The following ACSM2B variants were observed in gnomAD, a reference collection of about 807,000 sequenced individuals.
ACSM2B encodes acyl-CoA synthetase medium chain family member 2B.
ACSM2B carries 58 observed loss-of-function variants against 78.6 expected under a neutral mutation model. The ratio of observed to expected loss-of-function variants is 0.74; its 90% confidence interval spans 0.60 to 0.92. The LOEUF (loss-of-function observed/expected upper bound fraction) is 0.92. ACSM2B is among the 40% of genes least tolerant of loss of function. The probability of loss-of-function intolerance (pLI) is 0.00; values close to 1 mark genes in which losing one functional copy is unlikely to be tolerated. For synonymous variants in ACSM2B, 257 were observed against 256.8 expected (o/e 1.00, Z -0.01); for missense variants, 688 against 711.2 (o/e 0.97, Z 0.37).
chr16:20,567,632 A>T (rs1368696895), intron 1 of ACSM2B, among the ~76,000 whole-genome samples: 1 of 136,854 alleles, frequency 7.3e-6, no homozygotes, highest in African/African-American at 2.7e-5. Context: ...TATTATATCT[A>T]TATCTATATA....
intron 9 of ACSM2B, among the ~76,000 whole-genome samples, chr16:20,546,104 A>T (rs867905152): frequency 6.6e-5 from 10 of 152,084 alleles, no homozygotes; most frequent in African/African-American, 2.2e-4. Context: ...TTATGTCAAG[A>T]TTCACCCCAT....
At chr16:20,539,864 A>G (rs372868180) in intron 13 of ACSM2B, among the ~76,000 whole-genome samples, 3 of 152,168 alleles carry the variant, frequency 2.0e-5, no homozygotes, top group African/African-American at 7.2e-5. Context: ...TCAAGCCACT[A>G]CAAAGGAAAG....
intron 1 of ACSM2B, among the ~76,000 whole-genome samples, chr16:20,566,256 T>C (rs2015832681): frequency 1.2e-5 from 1 of 81,050 alleles, no homozygotes; most frequent in Non-Finnish European, 2.7e-5. Context: ...ATTATATATA[T>C]ATATATATAT....
intron 6 of ACSM2B, among the ~76,000 whole-genome samples, chr16:20,549,304 A>T (rs1388258334): frequency 6.6e-6 from 1 of 152,032 alleles, no homozygotes; most frequent in African/African-American, 2.4e-5. Context: ...AAATAAATTT[A>T]TTTCTTGCAG....
At chr16:20,542,479 C>A in intron 12 of ACSM2B, 1 of 178,464 alleles carries the variant, frequency 5.6e-6, no homozygotes, top group Non-Finnish European at 1.2e-5. Flanking sequence ...GTATATATAC[C>A]ACATATTATT....
chr16:20,566,668 A>ATACT (rs1567218198), intron 1 of ACSM2B, among the ~76,000 whole-genome samples: 22 of 40,450 alleles, frequency 5.4e-4, no homozygotes, highest in African/African-American at 2.5e-3. Context: ...ATGTATATAT[A>ATACT]GTATATACAT....
chr16:20,574,909 C>T (rs979716486), intron 1 of ACSM2B, among the ~76,000 whole-genome samples: 26 of 149,532 alleles, frequency 1.7e-4, no homozygotes, highest in African/African-American at 5.9e-4. Flanking sequence ...ACTTTATCCA[C>T]TGAACTTAGG....
Position 20,548,836 on chromosome 16 carries a change from G to A in ACSM2B, c.895-363C>T, listed in dbSNP as rs181320267. ...GATCAGCTGCCTGAGTACAGCAGCT[G>A]TCTTGGTTGAGTCCCTTAACTTTCT... On this transcript the variant is annotated intron_variant, in intron 6 of 13. Coordinates refer to ENST00000329697, the MANE Select transcript of ACSM2B (RefSeq NM_001105069.2). 3.0e-3 allele frequency among the ~76,000 whole-genome samples: 464 copies of A among 152,232 alleles called. 3 individuals carry two copies. The highest frequency in any genetic ancestry group is 0.01 in the South Asian group (50 of 4,820).
chr16:20,566,660 G>GTATATATAC lies in ACSM2B; in HGVS notation c.-8-1808_-8-1807insGTATATATA, dbSNP rs1567218184. 1.0e-3 allele frequency among the ~76,000 whole-genome samples: 7 copies of GTATATATAC among 6,964 alleles called. 1 individual carries two copies. The highest frequency in any genetic ancestry group is 3.3e-3 in the African/African-American group (7 of 2,144). The allele number at this position is 6,964 out of a possible 152,430, so 4.6% of individuals were successfully genotyped here. On this transcript the variant is annotated intron_variant, in intron 1 of 13. Transcript: ENST00000329697. ...TATATATATACTATACTATATATAT[G>GTATATATAC]TATATATAGTATATACATATAGTAT... is the stretch of plus-strand genomic sequence containing the variant.
chr16:20,561,645 A>G (rs1489110049), intron 2 of ACSM2B, among the ~76,000 whole-genome samples: 8 of 151,898 alleles, frequency 5.3e-5, no homozygotes, highest in African/African-American at 1.9e-4. Flanking sequence ...TGCCCTTCCA[A>G]TTCTCATGTC....
At chr16:20,548,752 A>G (rs539363740) in intron 6 of ACSM2B, among the ~76,000 whole-genome samples, 5 of 152,248 alleles carry the variant, frequency 3.3e-5, no homozygotes, top group African/African-American at 1.2e-4. Flanking sequence ...CTGCCAGTTT[A>G]AGACTTGCCC....
intron 2 of ACSM2B, among the ~76,000 whole-genome samples, chr16:20,561,144 C>G (rs554078441): frequency 1.3e-5 from 2 of 152,050 alleles, no homozygotes; most frequent in East Asian, 3.8e-4. Flanking sequence ...ATGCATAAAC[C>G]TTGAAGACAT....
In ACSM2B at chr16:20,545,241, G is replaced by C; in HGVS notation, c.1197C>G (p.Gly399=). 2 of 1,613,740 alleles carry C rather than the reference G, an allele frequency of 1.2e-6. No homozygotes were observed. The highest frequency in any genetic ancestry group is 8.5e-7 in the Non-Finnish European group (1 of 1,179,754). The part of the protein sequence containing the change: ...CYDVQVIDDK[G]NVLPPGTEGD... ...CTTCTGTGCCGGGGGGCAGGACGTT[G>C]CCCTTATCATCTATAACCTGGAGAA... is the stretch of plus-strand genomic sequence containing the variant. Residue 399 remains glycine (G), a synonymous_variant, in exon 10 of 14, where the codon GGC becomes GGG. Coordinates refer to ENST00000329697, the MANE Select transcript of ACSM2B (RefSeq NM_001105069.2).
At chr16:20,560,902 C>T (rs2015633409) in intron 2 of ACSM2B, among the ~76,000 whole-genome samples, 1 of 152,046 alleles carries the variant, frequency 6.6e-6, no homozygotes, top group Non-Finnish European at 1.5e-5. Flanking sequence ...AAGCAAAGGT[C>T]CTCCTTCCTA....
Position 20,555,557 on chromosome 16 carries a change from G to C in ACSM2B, c.389-81C>G, listed in dbSNP as rs546275588. The C allele has an allele frequency of 3.9e-4, 622 of 1,586,242 alleles. 3 individuals carry two copies. Among genetic ancestry groups the C allele is most frequent in the East Asian group, 2.0e-4 (9 of 44,458 alleles). Reference sequence around the variant, plus strand: ...GAAGCCTGAGATAAACATCAAGCAGGGAGCAAGTGGGGAAGGAGAGGATGG... The same window carrying C: ...GAAGCCTGAGATAAACATCAAGCAGCGAGCAAGTGGGGAAGGAGAGGATGG... On this transcript the variant is annotated intron_variant, in intron 3 of 13. Coordinates refer to ENST00000329697, the MANE Select transcript of ACSM2B (RefSeq NM_001105069.2).
chr16:20,567,831 T>C (rs1009040527), intron 1 of ACSM2B, among the ~76,000 whole-genome samples: 1 of 141,870 alleles, frequency 7.0e-6, no homozygotes, highest in African/African-American at 2.6e-5. Flanking sequence ...TATATAAAAC[T>C]ATACTATTAT....
chr16:20,557,556 A>G (rs2015513368), intron 3 of ACSM2B, among the ~76,000 whole-genome samples: 1 of 152,192 alleles, frequency 6.6e-6, no homozygotes, highest in Non-Finnish European at 1.5e-5. Context: ...CAATATGACC[A>G]TCCAAACAGA....
rs777112032 is a variant in ACSM2B, at chr16:20,540,531, C to T, written c.1629+123G>A. 162 of 1,489,732 alleles carry T rather than the reference C, an allele frequency of 1.1e-4. 2 individuals are homozygous for T. Among genetic ancestry groups the T allele is most frequent in the Middle Eastern group, 2.4e-4 (1 of 4,116 alleles). 92.3% of individuals were successfully genotyped at this position (1,489,732 alleles called of 1,614,324 possible). On this transcript the variant is annotated intron_variant, in intron 13 of 13. Coordinates refer to ENST00000329697, the MANE Select transcript of ACSM2B (RefSeq NM_001105069.2). Reference sequence around the variant, plus strand: ...GTGCTGGGATTGCAGGTGTCAGCCACCATGTCCGGCCCAGGAAGACTTTTT... The same window carrying T: ...GTGCTGGGATTGCAGGTGTCAGCCATCATGTCCGGCCCAGGAAGACTTTTT...
intron 1 of ACSM2B, among the ~76,000 whole-genome samples, chr16:20,566,645 C>CTATA (rs375962180): frequency 0.27 from 3,055 of 11,344 alleles, 283 homozygotes; most frequent in East Asian, 0.69. Flanking sequence ...TATATATATA[C>CTATA]TATACTATAT....
Sources: gnomAD v4.1 joint callset for allele counts (sites outside exome capture counted in the v4.1 genomes callset) on GRCh38, gnomAD v4.1.1 for gene constraint, MANE v1.5 for transcripts, NCBI Gene and HGNC (gene_info 2026-07-23, HGNC 2026-07-21) for gene names.